Variants in GABRB1 observed in about 807,000 individuals in gnomAD.
The protein encoded by GABRB1 is gamma-aminobutyric acid type A receptor subunit beta1, also known as gamma-aminobutyric acid receptor subunit beta-1.
Under a neutral mutation model 51.6 loss-of-function variants are expected in GABRB1, and 17 were observed. The ratio of observed to expected loss-of-function variants is 0.33; its 90% CI spans 0.23 to 0.49. The LOEUF is 0.49. Among genes scored for constraint, GABRB1 ranks in the 20% least tolerant of loss-of-function variants. The pLI is 0.99. For missense variants in GABRB1, 410 were observed against 600.6 expected, an observed-to-expected ratio of 0.68 and a Z score of 3.32; for synonymous variants, 247 against 218.9, an observed-to-expected ratio of 1.13 and a Z score of -1.14.
At chr4:47,418,551 A>G (rs1452203935) in intron 8 of GABRB1, among the ~76,000 whole-genome samples, 1 of 152,180 alleles carries the variant, frequency 6.6e-6, no homozygotes, top group African/African-American at 2.4e-5. Flanking sequence ...CAACATCTAA[A>G]CTAGTGTTTG....
At chr4:47,372,455 C>G (rs1001838008) in intron 5 of GABRB1, among the ~76,000 whole-genome samples, 3 of 152,174 alleles carry the variant, frequency 2.0e-5, no homozygotes, top group Non-Finnish European at 2.9e-5. Flanking sequence ...TGTTAAATCT[C>G]CCTTTCTGAT....
intron 5 of GABRB1, among the ~76,000 whole-genome samples, chr4:47,397,701 A>C (rs1301504611): frequency 6.6e-6 from 1 of 151,652 alleles, no homozygotes; most frequent in Admixed American, 6.6e-5. Context: ...TGAGTAACTG[A>C]GATTACAGGT....
intron 3 of GABRB1, among the ~76,000 whole-genome samples, chr4:47,082,733 C>T (rs1727902522): frequency 6.6e-6 from 1 of 152,038 alleles, no homozygotes; most frequent in South Asian, 2.1e-4. Context: ...AGTCCCTCCT[C>T]CCTGAAATGC....
At position 47,387,058 on chromosome 4, in the gene GABRB1, G is replaced by C. The variant is rs184236938; in HGVS notation, c.545-16260G>C. On this transcript the variant is annotated intron_variant, in intron 5 of 8. Coordinates refer to ENST00000295454, the MANE Select transcript of GABRB1 (RefSeq NM_000812.4). ...TACCAGGGAAATCTTACAGGGCTCTGTCTTTGTCTCTGCCAGTCCACATTT... is the reference window on the plus strand; with the variant it reads ...TACCAGGGAAATCTTACAGGGCTCTCTCTTTGTCTCTGCCAGTCCACATTT... 3.8e-3 allele frequency among the ~76,000 whole-genome samples: 578 copies of C among 152,298 alleles called. 1 individual carries two copies. The highest frequency in any genetic ancestry group is 6.0e-3 in the Non-Finnish European group (409 of 68,028).
chr4:47,243,709 C>T (rs531538398), intron 4 of GABRB1, among the ~76,000 whole-genome samples: 24 of 152,220 alleles, frequency 1.6e-4, no homozygotes, highest in African/African-American at 3.6e-4. Flanking sequence ...TAGATGAATG[C>T]TTGTGATTTT....
At chr4:47,121,158 G>A (rs1715758215) in intron 3 of GABRB1, among the ~76,000 whole-genome samples, 2 of 152,094 alleles carry the variant, frequency 1.3e-5, no homozygotes, top group African/African-American at 2.4e-5. Context: ...GTAAACTCAG[G>A]CTCTGACCAC....
intron 3 of GABRB1, among the ~76,000 whole-genome samples, chr4:47,153,468 A>G (rs1431719867): frequency 1.3e-5 from 2 of 152,080 alleles, no homozygotes; most frequent in Admixed American, 6.6e-5. Flanking sequence ...TGGATTCATC[A>G]TCAAAAAAGA....
chr4:47,383,697 G>A (rs980253967), intron 5 of GABRB1, among the ~76,000 whole-genome samples: 2 of 152,080 alleles, frequency 1.3e-5, no homozygotes, highest in African/African-American at 4.8e-5. Flanking sequence ...GGGCATATGA[G>A]CTACCATACT....
At chr4:47,089,483 G>T (rs956753091) in intron 3 of GABRB1, among the ~76,000 whole-genome samples, 9 of 152,086 alleles carry the variant, frequency 5.9e-5, no homozygotes, top group Admixed American at 4.6e-4. Context: ...ATGCATCACA[G>T]AATTTAGGTA....
chr4:47,144,301 C>G (rs999235087), intron 3 of GABRB1, among the ~76,000 whole-genome samples: 8 of 151,976 alleles, frequency 5.3e-5, no homozygotes, highest in African/African-American at 1.7e-4. Context: ...AATTTATTCC[C>G]TCTGAGTTTT....
chr4:47,113,043 A>G (rs1326077560), intron 3 of GABRB1, among the ~76,000 whole-genome samples: 1 of 152,112 alleles, frequency 6.6e-6, no homozygotes, highest in Non-Finnish European at 1.5e-5. Flanking sequence ...TGGGAAAGGT[A>G]TACAGGAATG....
chr4:47,215,553 C>A (rs977444848), intron 4 of GABRB1, among the ~76,000 whole-genome samples: 6 of 151,802 alleles, frequency 4.0e-5, no homozygotes, highest in Admixed American at 2.0e-4. Flanking sequence ...ATAAGGTATA[C>A]CCTCAGTCAG....
intron 4 of GABRB1, among the ~76,000 whole-genome samples, chr4:47,238,776 G>C (rs778657474): frequency 6.6e-6 from 1 of 152,194 alleles, no homozygotes; most frequent in African/African-American, 2.4e-5. Context: ...TGTGAATTAT[G>C]ACCATGCTAG....
chr4:47,035,295 G>T (rs552950506), intron 3 of GABRB1, among the ~76,000 whole-genome samples: 1 of 151,428 alleles, frequency 6.6e-6, no homozygotes, highest in East Asian at 2.0e-4. Flanking sequence ...GAAAAATTAA[G>T]TGTTTTCTTA....
At chr4:47,121,995 G>A (rs1715797068) in intron 3 of GABRB1, among the ~76,000 whole-genome samples, 1 of 29,008 alleles carries the variant, frequency 3.4e-5, no homozygotes, top group African/African-American at 1.3e-4. Context: ...AAAAAGGCAT[G>A]TCTATTTCCT....
intron 3 of GABRB1, among the ~76,000 whole-genome samples, chr4:47,094,192 G>T (rs1362636689): frequency 4.0e-5 from 6 of 150,470 alleles, no homozygotes; most frequent in Non-Finnish European, 7.4e-5. Context: ...AAGAAAGTAA[G>T]GATGGAAAAA....
intron 3 of GABRB1, among the ~76,000 whole-genome samples, chr4:47,142,370 G>C (rs1716973121): frequency 6.6e-6 from 1 of 151,844 alleles, no homozygotes; most frequent in African/African-American, 2.4e-5. Flanking sequence ...TTGAATAAAA[G>C]ACAAATAAGA....
intron 3 of GABRB1, among the ~76,000 whole-genome samples, chr4:47,096,292 A>G (rs903984964): frequency 6.6e-6 from 1 of 152,178 alleles, no homozygotes; most frequent in African/African-American, 2.4e-5. Context: ...ACGCCAAGCC[A>G]AGTAGGTAGT....
chr4:47,171,701 A>AT (rs1175437284), intron 4 of GABRB1, among the ~76,000 whole-genome samples: 1 of 152,178 alleles, frequency 6.6e-6, no homozygotes, highest in Non-Finnish European at 1.5e-5. Flanking sequence ...TTTTATTAAA[A>AT]TTAAAAAATT....
Sources: gnomAD v4.1 joint callset for allele counts (sites outside exome capture counted in the v4.1 genomes callset) on GRCh38, gnomAD v4.1.1 for gene constraint, MANE v1.5 for transcripts, NCBI Gene and HGNC (gene_info 2026-07-23, HGNC 2026-07-21) for gene names.